Variants in SCHIP1 observed in about 807,000 individuals in gnomAD.
SCHIP1 encodes schwannomin-interacting protein 1.
In SCHIP1, 8 loss-of-function variants were observed where a neutral mutation model predicts 29.7. The ratio of observed to expected loss-of-function variants is 0.27; its 90% confidence interval spans 0.16 to 0.49. SCHIP1 has a LOEUF of 0.49. SCHIP1 is among the 20% of genes least tolerant of loss of function. The pLI is 0.99. For missense variants in SCHIP1, 193 were observed against 294.6 expected (o/e 0.66, Z 2.52); for synonymous variants, 76 against 94.9 (o/e 0.80, Z 1.16).
chr3:159,293,659 T>C, the SCHIP1 span, among the ~76,000 whole-genome samples: 1 of 152,176 alleles, frequency 6.6e-6, no homozygotes, highest in Non-Finnish European at 1.5e-5. Flanking sequence ...CTCAGACAAA[T>C]AGGAGACATA....
At chr3:159,453,908 C>T in the SCHIP1 span, among the ~76,000 whole-genome samples, 1 of 152,210 alleles carries the variant, frequency 6.6e-6, no homozygotes, top group African/African-American at 2.4e-5. Context: ...CAGTGGCCCA[C>T]TCTACCCTGA....
At chr3:159,535,547 G>A in the SCHIP1 span, among the ~76,000 whole-genome samples, 1 of 152,100 alleles carries the variant, frequency 6.6e-6, no homozygotes, top group Non-Finnish European at 1.5e-5. Context: ...GCTTCTCCCT[G>A]CTTAGTTCCT....
At chr3:159,298,156 T>C in the SCHIP1 span, among the ~76,000 whole-genome samples, 4 of 152,214 alleles carry the variant, frequency 2.6e-5, no homozygotes, top group East Asian at 7.7e-4. Flanking sequence ...AAGACCATTC[T>C]ACAGCTCACA....
the SCHIP1 span, among the ~76,000 whole-genome samples, chr3:159,555,707 T>C: frequency 7.9e-3 from 1,210 of 152,316 alleles, 14 homozygotes; most frequent in African/African-American, 0.028. Context: ...ATCTTTATAA[T>C]AAGAAATAAG....
At chr3:159,784,435 A>G in the SCHIP1 span, among the ~76,000 whole-genome samples, 1 of 152,182 alleles carries the variant, frequency 6.6e-6, no homozygotes, top group Non-Finnish European at 1.5e-5. Flanking sequence ...AGCCTTCCCT[A>G]TGGAACATTG....
the SCHIP1 span, among the ~76,000 whole-genome samples, chr3:159,613,714 G>T: frequency 1.3e-5 from 2 of 152,164 alleles, no homozygotes; most frequent in African/African-American, 4.8e-5. Flanking sequence ...TGGTGATCTT[G>T]GTTCAGATAG....
At chr3:159,282,785 A>G in the SCHIP1 span, 2 of 151,928 alleles carry the variant, frequency 1.3e-5, no homozygotes, top group African/African-American at 4.9e-5. Flanking sequence ...TTTCTGAACT[A>G]CCTTCATGAA....
chr3:159,868,479 G>A (rs755913763), intron 2 of SCHIP1, among the ~76,000 whole-genome samples: 2 of 151,928 alleles, frequency 1.3e-5, no homozygotes, highest in Non-Finnish European at 2.9e-5. Flanking sequence ...GCTATTTAAT[G>A]TTTACATTAT....
At chr3:159,330,641 T>C in the SCHIP1 span, among the ~76,000 whole-genome samples, 1 of 152,178 alleles carries the variant, frequency 6.6e-6, no homozygotes, top group Non-Finnish European at 1.5e-5. Flanking sequence ...CCCTGACAGG[T>C]CATAAAATGT....
chr3:159,381,570 C>T, the SCHIP1 span, among the ~76,000 whole-genome samples: 3 of 151,984 alleles, frequency 2.0e-5, no homozygotes, highest in Non-Finnish European at 4.4e-5. Context: ...ACACCCTGGT[C>T]TCAGCCATCA....
chr3:159,570,605 T>C, the SCHIP1 span, among the ~76,000 whole-genome samples: 2 of 152,208 alleles, frequency 1.3e-5, no homozygotes, highest in Admixed American at 1.3e-4. Flanking sequence ...TTCTTTTTGC[T>C]TAGGATTGTC....
chr3:159,704,271 C>T, the SCHIP1 span, among the ~76,000 whole-genome samples: 1 of 152,092 alleles, frequency 6.6e-6, no homozygotes, highest in Non-Finnish European at 1.5e-5. Context: ...TCTGTCTCTA[C>T]TAAAATGCAA....
the SCHIP1 span, among the ~76,000 whole-genome samples, chr3:159,810,763 C>T: frequency 2.6e-5 from 4 of 152,152 alleles, no homozygotes; most frequent in Non-Finnish European, 5.9e-5. Context: ...AATAATGTTG[C>T]ATGAATACAT....
chr3:159,646,243 C>A, the SCHIP1 span, among the ~76,000 whole-genome samples: 1 of 152,148 alleles, frequency 6.6e-6, no homozygotes, highest in African/African-American at 2.4e-5. Context: ...CAAGAGAAAA[C>A]CTTCACAAGG....
the SCHIP1 span, among the ~76,000 whole-genome samples, chr3:159,303,413 G>T: frequency 6.6e-6 from 1 of 150,886 alleles, no homozygotes; most frequent in East Asian, 2.0e-4. Context: ...TCCCTAATAG[G>T]GGGGTACTGG....
At chr3:159,584,925 G>T in the SCHIP1 span, among the ~76,000 whole-genome samples, 1 of 151,894 alleles carries the variant, frequency 6.6e-6, no homozygotes, top group Non-Finnish European at 1.5e-5. Context: ...CCTGACTTGG[G>T]ACCTTTGCAC....
At chr3:159,720,197 G>C in the SCHIP1 span, among the ~76,000 whole-genome samples, 2 of 144,694 alleles carry the variant, frequency 1.4e-5, no homozygotes, top group Non-Finnish European at 3.0e-5. Context: ...TTGGACACAG[G>C]GTGGGGAACA....
the SCHIP1 span, among the ~76,000 whole-genome samples, chr3:159,570,156 C>A: frequency 6.6e-6 from 1 of 152,136 alleles, no homozygotes; most frequent in South Asian, 2.1e-4. Flanking sequence ...AATTAGATCC[C>A]ATTTGTCTAT....
At chr3:159,586,169 T>C in the SCHIP1 span, among the ~76,000 whole-genome samples, 7 of 152,044 alleles carry the variant, frequency 4.6e-5, no homozygotes, top group African/African-American at 1.7e-4. Flanking sequence ...TAAGGGAAAC[T>C]GAATGATAAG....
Sources: gnomAD v4.1 joint callset for allele counts (sites outside exome capture counted in the v4.1 genomes callset) on GRCh38, gnomAD v4.1.1 for gene constraint, MANE v1.5 for transcripts, NCBI Gene and HGNC (gene_info 2026-07-23, HGNC 2026-07-21) for gene names.